UTS2: variants seen among roughly 807,000 people sequenced by gnomAD.
The protein encoded by UTS2 is urotensin-2.
A neutral mutation model predicts 12.6 loss-of-function variants in UTS2; 10 were observed. The observed-to-expected ratio is 0.80, with a 90% confidence interval of 0.49 to 1.35. The LOEUF (loss-of-function observed/expected upper bound fraction) is 1.35, where lower values mean the gene tolerates loss of function less well. Among genes scored for constraint, UTS2 ranks in the 40% most tolerant of loss-of-function variants. The probability of loss-of-function intolerance (pLI) is 0.00; values close to 1 mark genes in which losing one functional copy is unlikely to be tolerated. For missense variants in UTS2, 142 were observed against 143.2 expected (o/e 0.99, Z 0.04); for synonymous variants, 52 against 50.0 (o/e 1.04, Z -0.17).
the UTS2 span, among the ~76,000 whole-genome samples, chr1:7,879,518 A>T: frequency 8.5e-5 from 13 of 152,318 alleles, no homozygotes; most frequent in East Asian, 1.7e-3. Flanking sequence ...AGGCAGGTGG[A>T]TCACTTGAGG....
At chr1:7,894,024 C>T in the UTS2 span, among the ~76,000 whole-genome samples, 3 of 152,122 alleles carry the variant, frequency 2.0e-5, no homozygotes, top group Non-Finnish European at 4.4e-5. Flanking sequence ...GGGTGCTTGG[C>T]CCCCTTAACT....
At chr1:7,872,676 C>G in the UTS2 span, among the ~76,000 whole-genome samples, 10 of 152,154 alleles carry the variant, frequency 6.6e-5, no homozygotes, top group Admixed American at 1.3e-4. Context: ...GAGGTTGGTT[C>G]ATGAGGTTTA....
chr1:7,906,449 GAGAAAGAA>G, the UTS2 span, among the ~76,000 whole-genome samples: 2,030 of 73,240 alleles, frequency 0.028, 56 homozygotes, highest in African/African-American at 0.082. Flanking sequence ...GAAAGAAAAA[GAGAAAGAA>G]AGAAAGAAAG....
At chr1:7,860,686 G>A in the UTS2 span, among the ~76,000 whole-genome samples, 7 of 151,486 alleles carry the variant, frequency 4.6e-5, no homozygotes, top group African/African-American at 1.5e-4. Flanking sequence ...CTCCTGCCTC[G>A]GCCTCCCAAG....
intron 3 of UTS2, 29 bp from the exon 4 acceptor site, chr1:7,847,911 CAAAA>C (rs531416825): frequency 1.4e-6 from 2 of 1,392,478 alleles, no homozygotes; most frequent in South Asian, 2.5e-5. Context: ...ACAACAACAA[CAAAA>C]AAAAACAGAT....
chr1:7,882,335 T>C, the UTS2 span, among the ~76,000 whole-genome samples: 1 of 151,992 alleles, frequency 6.6e-6, no homozygotes, highest in African/African-American at 2.4e-5. Flanking sequence ...TTCCTGACTC[T>C]AAATAAATAA....
the UTS2 span, among the ~76,000 whole-genome samples, chr1:7,874,401 G>T: frequency 6.6e-6 from 1 of 152,130 alleles, no homozygotes; most frequent in Non-Finnish European, 1.5e-5. Flanking sequence ...ACCCCATCCC[G>T]CCCTGGGGCT....
chr1:7,880,437 C>T, the UTS2 span, among the ~76,000 whole-genome samples: 3 of 145,464 alleles, frequency 2.1e-5, no homozygotes, highest in African/African-American at 5.1e-5. Context: ...GGGAGGGGGG[C>T]GGCGAAGAAC....
At chr1:7,863,891 G>A in the UTS2 span, among the ~76,000 whole-genome samples, 2 of 152,224 alleles carry the variant, frequency 1.3e-5, no homozygotes, top group Admixed American at 6.5e-5. Flanking sequence ...TGTCTAAGAT[G>A]ACCTGGCCCG....
chr1:7,849,613 A>C (rs1162734723), intron 3 of UTS2, 27 bp downstream of exon 3: 5 of 1,590,332 alleles, frequency 3.1e-6, no homozygotes, highest in Non-Finnish European at 4.3e-6. Context: ...ACCTTTTTAA[A>C]CCTAACTCAT....
chr1:7,882,506 C>T, the UTS2 span, among the ~76,000 whole-genome samples: 1 of 152,072 alleles, frequency 6.6e-6, no homozygotes, highest in African/African-American at 2.4e-5. Context: ...TCAGTCTTGG[C>T]AGATTTTATG....
At chr1:7,875,667 C>A in the UTS2 span, among the ~76,000 whole-genome samples, 2 of 152,120 alleles carry the variant, frequency 1.3e-5, no homozygotes. Context: ...TGACCCAGCC[C>A]ACCCACTGCT....
chr1:7,900,007 G>A, the UTS2 span, among the ~76,000 whole-genome samples: 6 of 152,130 alleles, frequency 3.9e-5, no homozygotes, highest in Non-Finnish European at 8.8e-5. Context: ...TACCCAACCC[G>A]GAAGCCACAG....
the UTS2 span, among the ~76,000 whole-genome samples, chr1:7,861,573 C>A: frequency 6.6e-6 from 1 of 152,192 alleles, no homozygotes; most frequent in African/African-American, 2.4e-5. Context: ...GTGGGCTTGA[C>A]CCGATTTGCC....
the UTS2 span, among the ~76,000 whole-genome samples, chr1:7,912,456 CTTG>C: frequency 0.42 from 63,896 of 151,464 alleles, 14,080 homozygotes; most frequent in South Asian, 0.67. Context: ...TCCCCCTTTT[CTTG>C]TTGTTTTTCT....
At chr1:7,911,900 CAAAAAAA>C in the UTS2 span, among the ~76,000 whole-genome samples, 1 of 133,686 alleles carries the variant, frequency 7.5e-6, no homozygotes, top group Admixed American at 7.5e-5. Context: ...GACTCTGTCT[CAAAAAAA>C]AAAAAAAAAA....
chr1:7,885,788 T>C, the UTS2 span, among the ~76,000 whole-genome samples: 2 of 151,190 alleles, frequency 1.3e-5, no homozygotes, highest in Non-Finnish European at 3.0e-5. Context: ...TGGGCGGGAC[T>C]AGGACGATGT....
the UTS2 span, among the ~76,000 whole-genome samples, chr1:7,859,361 C>T: frequency 4.0e-5 from 6 of 151,638 alleles, no homozygotes; most frequent in Non-Finnish European, 8.8e-5. Flanking sequence ...CTGAATGCCT[C>T]GTCTGTCAGC....
chr1:7,853,233 T>G (rs1437838323), upstream of UTS2: 4 of 1,590,970 alleles, frequency 2.5e-6, no homozygotes, highest in Non-Finnish European at 3.4e-6. Context: ...TTAACTGTCT[T>G]GTTGCCTAGT....
Sources: gnomAD v4.1 joint callset for allele counts (sites outside exome capture counted in the v4.1 genomes callset) on GRCh38, gnomAD v4.1.1 for gene constraint, MANE v1.5 for transcripts, NCBI Gene and HGNC (gene_info 2026-07-23, HGNC 2026-07-21) for gene names.